The following LPP variants were observed in gnomAD, a reference collection of about 807,000 sequenced individuals.
LPP encodes LIM domain containing preferred translocation partner in lipoma.
A neutral mutation model predicts 60.4 loss-of-function variants in LPP; 38 were observed. The ratio of observed to expected loss-of-function variants is 0.63; its 90% confidence interval spans 0.49 to 0.83. The LOEUF is 0.83. Among genes scored for constraint, LPP ranks in the 40% least tolerant of loss-of-function variants. The pLI, the probability that LPP is intolerant of heterozygous loss-of-function variation, is 0.00. For synonymous variants in LPP, 328 were observed against 290.8 expected, an observed-to-expected ratio of 1.13 and a Z score of -1.30; for missense variants, 902 against 783.6, an observed-to-expected ratio of 1.15 and a Z score of -1.80.
intron 3 of LPP, among the ~76,000 whole-genome samples, chr3:188,397,802 AG>A (rs1015522874): frequency 2.6e-5 from 4 of 151,842 alleles, no homozygotes; most frequent in African/African-American, 7.3e-5. Context: ...GTAGTTGAGA[AG>A]GGGTTTCAAC....
At position 188,887,149 on chromosome 3, in the gene LPP, A is replaced by G. The variant is rs1770778439; in HGVS notation, c.*12670A>G. On this transcript the variant is annotated 3_prime_UTR_variant, in exon 12 of 12. Transcript: ENST00000617246. ...CTCTTTCCTTCATCACAAGAGAGTA[A>G]ATATGAAGTCTGAATGTCGTTCCTC... 1 of 227,690 alleles carries G rather than the reference A, an allele frequency of 4.4e-6. No individual in the cohort carries two copies. The highest frequency in any genetic ancestry group is 2.2e-5 in the African/African-American group (1 of 45,008). The allele number at this position is 227,690 out of a possible 1,614,324, so 14.1% of individuals were successfully genotyped here. A position where few individuals can be genotyped will look rare whatever the true frequency, so the allele number is the denominator to read the frequency against.
At chr3:188,580,467 AGAT>A (rs1835818020) in intron 6 of LPP, among the ~76,000 whole-genome samples, 1 of 152,118 alleles carries the variant, frequency 6.6e-6, no homozygotes, top group African/African-American at 2.4e-5. Flanking sequence ...TCTCCTTATG[AGAT>A]GGCTGACACC....
chr3:188,687,827 T>C (rs932641671), intron 7 of LPP, among the ~76,000 whole-genome samples: 3 of 145,592 alleles, frequency 2.1e-5, no homozygotes, highest in African/African-American at 7.7e-5. Context: ...CAGGCTGGGG[T>C]GCAGTGGCAC....
At chr3:188,299,882 T>C (rs1749181598) in intron 2 of LPP, among the ~76,000 whole-genome samples, 1 of 152,230 alleles carries the variant, frequency 6.6e-6, no homozygotes, top group Non-Finnish European at 1.5e-5. Context: ...GCTGTCTGTC[T>C]CTGGAGATCA....
intron 6 of LPP, among the ~76,000 whole-genome samples, chr3:188,607,407 AT>A (rs1560628826): frequency 0.069 from 2,053 of 29,570 alleles, 87 homozygotes; most frequent in Non-Finnish European, 0.099. Context: ...ATATATATAT[AT>A]ATATATATAA....
intron 1 of LPP, among the ~76,000 whole-genome samples, chr3:188,215,527 C>T (rs898313069): frequency 2.0e-5 from 3 of 151,974 alleles, no homozygotes; most frequent in African/African-American, 7.3e-5. Flanking sequence ...GGAATCATAC[C>T]GTATTTGTCT....
chr3:188,526,798 G>A (rs552138960), intron 6 of LPP, among the ~76,000 whole-genome samples: 1 of 152,192 alleles, frequency 6.6e-6, no homozygotes, highest in Non-Finnish European at 1.5e-5. Flanking sequence ...GTGGTCTTTT[G>A]GGGGAACCGA....
chr3:188,794,766 A>G (rs1017801029), intron 9 of LPP, among the ~76,000 whole-genome samples: 1 of 152,126 alleles, frequency 6.6e-6, no homozygotes, highest in Non-Finnish European at 1.5e-5. Flanking sequence ...CCAGAAAAAA[A>G]TGGCCCCAAG....
At chr3:188,733,020 G>T (rs959139343) in intron 8 of LPP, among the ~76,000 whole-genome samples, 1 of 151,940 alleles carries the variant, frequency 6.6e-6, no homozygotes, top group Admixed American at 6.6e-5. Flanking sequence ...CAAAGTCGAA[G>T]AATCCCATGT....
chr3:188,243,588 AT>A (rs1056814212), intron 2 of LPP, among the ~76,000 whole-genome samples: 3 of 152,124 alleles, frequency 2.0e-5, no homozygotes, highest in Non-Finnish European at 4.4e-5. Context: ...ACACAGGCTA[AT>A]TGATGTTATC....
intron 7 of LPP, among the ~76,000 whole-genome samples, chr3:188,674,993 G>T (rs562089334): frequency 6.6e-6 from 1 of 152,192 alleles, no homozygotes; most frequent in Non-Finnish European, 1.5e-5. Context: ...TACTTTTTAG[G>T]TGCCATTCTA....
chr3:188,674,266 C>T (rs1275525555), intron 7 of LPP, among the ~76,000 whole-genome samples: 2 of 152,174 alleles, frequency 1.3e-5, no homozygotes, highest in African/African-American at 4.8e-5. Flanking sequence ...TTTGACTTCC[C>T]TGACAATTTT....
At chr3:188,704,957 G>T (rs1865190801) in intron 7 of LPP, among the ~76,000 whole-genome samples, 1 of 151,778 alleles carries the variant, frequency 6.6e-6, no homozygotes, top group South Asian at 2.1e-4. Context: ...TGAACCACTT[G>T]TAGTTTTTCC....
At chr3:188,194,341 A>T (rs1369098743) in intron 1 of LPP, among the ~76,000 whole-genome samples, 3 of 152,194 alleles carry the variant, frequency 2.0e-5, no homozygotes, top group African/African-American at 7.2e-5. Flanking sequence ...AATGGATCCA[A>T]ATAGTTATTA....
rs148409629 is a variant in LPP, at chr3:188,456,399, A to G, written c.194-28193A>G. ...ACAGGGACCTTATAATTAAGTAGATATGACTGTAACATAGAGAGCGATAAC... is the reference window on the plus strand; with the variant it reads ...ACAGGGACCTTATAATTAAGTAGATGTGACTGTAACATAGAGAGCGATAAC... On this transcript the variant is annotated intron_variant, in intron 4 of 11. Coordinates refer to ENST00000617246, the MANE Select transcript of LPP (RefSeq NM_001375462.1). Among the ~76,000 whole-genome samples, 350 of 152,320 alleles carry G rather than the reference A, an allele frequency of 2.3e-3. 3 individuals are homozygous for G. The highest frequency in any genetic ancestry group is 4.2e-3 in the East Asian group (22 of 5,186).
At chr3:188,224,194 C>T (rs1335727584) in intron 1 of LPP, among the ~76,000 whole-genome samples, 1 of 152,006 alleles carries the variant, frequency 6.6e-6, no homozygotes, top group Non-Finnish European at 1.5e-5. Context: ...AAGAGGTCAC[C>T]TCCTTACCCA....
intron 7 of LPP, among the ~76,000 whole-genome samples, chr3:188,647,052 A>G (rs1309174285): frequency 6.6e-6 from 1 of 152,230 alleles, no homozygotes; most frequent in Non-Finnish European, 1.5e-5. Flanking sequence ...TAGGTATTCA[A>G]CTAATATTTA....
At chr3:188,235,448 G>A (rs989948025) in intron 2 of LPP, among the ~76,000 whole-genome samples, 1 of 152,136 alleles carries the variant, frequency 6.6e-6, no homozygotes, top group East Asian at 1.9e-4. Context: ...ATTTTGTGGT[G>A]GGGATAAAAT....
chr3:188,694,794 A>G (rs1862892409), intron 7 of LPP, among the ~76,000 whole-genome samples: 1 of 152,170 alleles, frequency 6.6e-6, no homozygotes, highest in South Asian at 2.1e-4. Flanking sequence ...GGTACTTGTA[A>G]TATTTTTGGT....
Sources: gnomAD v4.1 joint callset for allele counts (sites outside exome capture counted in the v4.1 genomes callset) on GRCh38, gnomAD v4.1.1 for gene constraint, MANE v1.5 for transcripts, NCBI Gene and HGNC (gene_info 2026-07-23, HGNC 2026-07-21) for gene names.